Variants in ZFHX4 observed in about 807,000 individuals in gnomAD.
ZFHX4 encodes zinc finger homeobox protein 4.
ZFHX4 carries 56 observed loss-of-function variants against 267.6 expected under a neutral mutation model. The ratio of observed to expected loss-of-function variants is 0.21; its 90% CI spans 0.17 to 0.26. The LOEUF (loss-of-function observed/expected upper bound fraction) is 0.26, where lower values mean the gene tolerates loss of function less well. Among genes scored for constraint, ZFHX4 ranks in the 10% least tolerant of loss-of-function variants. ZFHX4 has a pLI of 1.00. For synonymous variants in ZFHX4, 1,778 were observed against 1,665.6 expected, an observed-to-expected ratio of 1.07 and a Z score of -1.64; for missense variants, 4,332 against 4,420.0, an observed-to-expected ratio of 0.98 and a Z score of 0.56.
rs560239277 is a variant in ZFHX4 at position 76,866,579 on chromosome 8, T to C, written c.*2014T>C. 1.3e-5 allele frequency: 2 copies of C among 152,610 alleles called. No individual in the cohort carries two copies. The highest frequency in any genetic ancestry group is 4.8e-5 in the African/African-American group (2 of 41,530). 9.5% of individuals were successfully genotyped at this position (152,610 alleles called of 1,614,324 possible). ...CAATCCTGCCGCTATAGTGAGCTAA[T>C]GTCCTGAATCCAAAGGCTTCAGAAA... On this transcript the variant is annotated 3_prime_UTR_variant, in exon 11 of 11. Transcript: ENST00000651372.
rs777943219 is a variant in ZFHX4 at position 76,863,580 on chromosome 8, C to G, written c.9866C>G (p.Pro3289Arg). The change falls in exon 11 of 11, where the codon CCT (proline) becomes CGT (arginine). Residue 3289 changes from proline to arginine, a missense_variant. Transcript: ENST00000651372. ...ACAGTGCAGGGGGGATACTTCCCAC[C>G]TGTCTGTGGCATGGAGAGCCTCTTT... Reference protein sequence around the residue: ...PGTVQGGYFPPVCGMESLFPY... With the variant: ...PGTVQGGYFPRVCGMESLFPY... The G allele has an allele frequency of 6.8e-6, 11 of 1,613,722 alleles. No individual in the cohort carries two copies. The highest frequency in any genetic ancestry group is 1.3e-5 in the African/African-American group (1 of 74,938).
At chr8:76,771,432 C>T (rs910108089) in intron 3 of ZFHX4, among the ~76,000 whole-genome samples, 2 of 151,482 alleles carry the variant, frequency 1.3e-5, no homozygotes, top group African/African-American at 4.8e-5. Flanking sequence ...TCTGTTTTTG[C>T]TTTTTTGTTT....
intron 4 of ZFHX4, among the ~76,000 whole-genome samples, chr8:76,806,174 C>T (rs1367107181): frequency 6.6e-6 from 1 of 152,100 alleles, no homozygotes; most frequent in Admixed American, 6.6e-5. Flanking sequence ...CCTTTTCTAT[C>T]ACTGTTAAAT....
At chr8:76,787,030 T>A (rs1041945442) in intron 4 of ZFHX4, among the ~76,000 whole-genome samples, 6 of 152,230 alleles carry the variant, frequency 3.9e-5, no homozygotes, top group African/African-American at 7.2e-5. Context: ...TCTTTTCCTG[T>A]AAATAGCATA....
intron 4 of ZFHX4, 148 bp downstream of exon 4, chr8:76,778,587 A>C (rs1810466155): frequency 1.5e-6 from 1 of 684,302 alleles, no homozygotes; most frequent in African/African-American, 1.8e-5. Context: ...TTAATCTCTC[A>C]GAAATGAACA....
intron 4 of ZFHX4, among the ~76,000 whole-genome samples, chr8:76,806,108 T>C (rs1811238226): frequency 1.3e-5 from 2 of 152,140 alleles, no homozygotes; most frequent in African/African-American, 4.8e-5. Context: ...TAGGCATGTG[T>C]TGCCTGCACT....
intron 3 of ZFHX4, among the ~76,000 whole-genome samples, chr8:76,745,638 G>T (rs1809439562): frequency 6.6e-6 from 1 of 151,904 alleles, no homozygotes; most frequent in Admixed American, 6.6e-5. Flanking sequence ...ATTTCAGTGT[G>T]CATTTGAGAG....
chr8:76,687,411 G>A (rs1807718070), intron 1 of ZFHX4, among the ~76,000 whole-genome samples: 1 of 152,316 alleles, frequency 6.6e-6, no homozygotes, highest in East Asian at 1.9e-4. Context: ...TACCCATGAA[G>A]AGGACATTGT....
At position 76,864,131 on chromosome 8, in the gene ZFHX4, G is replaced by A; in HGVS notation, c.10417G>A (p.Glu3473Lys). Residue 3473 changes from glutamate to lysine, a missense_variant, in exon 11 of 11, where the codon GAG becomes AAG. Glu to Lys is a moderately conservative substitution (Grantham distance 56). Around this residue, in one of 7 missense-constraint regions of ZFHX4, gnomAD observed 1,648 missense variants for 1,625.0 expected, o/e 1.01. Coordinates refer to ENST00000651372, the MANE Select transcript of ZFHX4 (RefSeq NM_024721.5). ...ACACCTCCAGTCAAGCTTGCACAAA[G>A]AGAAAACAATCAAACAAGCAATGAG... ...SQHLQSSLHK[E>K]KTIKQAMRNA... is the part of the protein sequence containing the mutation. The A allele has an allele frequency of 6.2e-7, 1 of 1,613,862 alleles. No homozygotes were observed.
intron 3 of ZFHX4, among the ~76,000 whole-genome samples, chr8:76,745,368 C>T (rs1317004704): frequency 2.0e-5 from 3 of 152,074 alleles, no homozygotes; most frequent in African/African-American, 7.2e-5. Context: ...AATAAAATTC[C>T]TTTTTGTGTA....
chr8:76,839,098 AG>A (rs1812169531), intron 5 of ZFHX4, among the ~76,000 whole-genome samples: 1 of 142,102 alleles, frequency 7.0e-6, no homozygotes, highest in Admixed American at 6.9e-5. Flanking sequence ...AGAGAGAGAG[AG>A]AAGGACAATG....
At chr8:76,809,296 A>G (rs926068774) in intron 4 of ZFHX4, among the ~76,000 whole-genome samples, 1 of 152,198 alleles carries the variant, frequency 6.6e-6, no homozygotes, top group African/African-American at 2.4e-5. Context: ...CTAATGAAAC[A>G]GGGCATTTTT....
In ZFHX4 at chr8:76,778,314, G is replaced by C; in HGVS notation, c.3200G>C (p.Arg1067Pro). Residue 1067 changes from arginine (R) to proline (P), a missense_variant, in exon 4 of 11, where the codon CGT (arginine) becomes CCT (proline). Transcript: ENST00000651372. ...AAGTTGAATCTGGTACAACATGTCC[G>C]TTCGGTGAAGCATCAGCAGACTGAG... ...KVKLNLVQHVRSVKHQQTEGL... is the reference protein window; with the variant it reads ...KVKLNLVQHVPSVKHQQTEGL... 6.2e-7 allele frequency: 1 copy of C among 1,613,822 alleles called. No homozygotes were observed.
In ZFHX4 at chr8:76,849,034, C is replaced by A. The variant is rs867986197; in HGVS notation, c.3551C>A (p.Ala1184Glu). 1 of 1,560,286 alleles carries A rather than the reference C, an allele frequency of 6.4e-7. No homozygotes were observed. The highest frequency in any genetic ancestry group is 8.7e-7 in the Non-Finnish European group (1 of 1,152,054). ...GAGAAGGAACTAAAAGTTAGTGTGG[C>A]AGGGGGTACCCAGCCACTCCTGCTG... ...TPEKELKVSVAGGTQPLLLAK... is the reference protein window; with the variant it reads ...TPEKELKVSVEGGTQPLLLAK... Residue 1184 changes from alanine to glutamate, a missense_variant, in exon 7 of 11, where the codon GCA (alanine) becomes GAA (glutamate). By Grantham distance (107) the Ala-to-Glu change is moderately radical (BLOSUM62 -1). Transcript: ENST00000651372.
intron 4 of ZFHX4, among the ~76,000 whole-genome samples, chr8:76,827,883 T>C (rs965752504): frequency 4.6e-5 from 7 of 152,300 alleles, no homozygotes; most frequent in African/African-American, 1.7e-4. Context: ...CCAGCCCCAT[T>C]CAGATAATTG....
intron 4 of ZFHX4, among the ~76,000 whole-genome samples, chr8:76,780,975 C>T (rs1172791807): frequency 6.6e-6 from 1 of 152,052 alleles, no homozygotes; most frequent in African/African-American, 2.4e-5. Context: ...ATGATTTTAA[C>T]AGCTAGGAAA....
chr8:76,719,060 G>A (rs7838141), intron 3 of ZFHX4, among the ~76,000 whole-genome samples: 24,338 of 150,362 alleles, frequency 0.16, 2,633 homozygotes, highest in African/African-American at 0.31. Context: ...TAAAAAAAAG[G>A]CCAAATGCCA....
In ZFHX4 at chr8:76,851,684, C is replaced by G; in HGVS notation, c.4763C>G (p.Thr1588Arg). 6.2e-7 allele frequency: 1 copy of G among 1,613,934 alleles called. No homozygotes were observed. The highest frequency in any genetic ancestry group is 8.5e-7 in the Non-Finnish European group (1 of 1,179,874). ...GTCCCACAAGAAACCAACAGCAACA[C>G]AGATAACAAACCCTACAAGTGCAGC... The part of the protein sequence containing the change: ...SPVPQETNSN[T>R]DNKPYKCSIC... The change falls in exon 10 of 11, where the codon ACA (threonine) becomes AGA (arginine). Residue 1588 changes from threonine (T) to arginine (R), a missense_variant. Physicochemically the swap from Thr to Arg is moderately conservative, Grantham distance 71. Coordinates refer to ENST00000651372, the MANE Select transcript of ZFHX4 (RefSeq NM_024721.5).
At chr8:76,801,077 T>A (rs192047367) in intron 4 of ZFHX4, among the ~76,000 whole-genome samples, 8 of 152,272 alleles carry the variant, frequency 5.3e-5, no homozygotes, top group Admixed American at 5.2e-4. Flanking sequence ...AAAATTACCT[T>A]TTTGTTGTTG....
Sources: allele counts gnomAD v4.1 joint callset (sites outside exome capture counted in the v4.1 genomes callset), GRCh38; gene constraint gnomAD v4.1.1; regional missense constraint gnomAD v4.1.1; transcripts MANE v1.5; gene names NCBI Gene and HGNC (gene_info 2026-07-23, HGNC 2026-07-21).